The following XPO7 variants were observed in gnomAD, a reference collection of about 807,000 sequenced individuals.
XPO7 encodes the protein exportin 7, also known as exportin-7.
A neutral mutation model predicts 144.3 loss-of-function variants in XPO7; 21 were observed. The ratio of observed to expected loss-of-function variants is 0.15; its 90% CI spans 0.10 to 0.21. The LOEUF (loss-of-function observed/expected upper bound fraction) is 0.21, where lower values mean the gene tolerates loss of function less well. Among genes scored for constraint, XPO7 ranks in the 10% least tolerant of loss-of-function variants. The pLI, the probability that XPO7 is intolerant of heterozygous loss-of-function variation, is 1.00. For synonymous variants in XPO7, 580 were observed against 499.6 expected, an observed-to-expected ratio of 1.16 and a Z score of -2.15; for missense variants, 808 against 1,325.8, an observed-to-expected ratio of 0.61 and a Z score of 6.06.
At chr8:21,984,193 A>G (rs566475461) in intron 11 of XPO7, among the ~76,000 whole-genome samples, 32 of 152,252 alleles carry the variant, frequency 2.1e-4, no homozygotes, top group African/African-American at 7.5e-4. Flanking sequence ...AGGGTTTTAT[A>G]TGATATGGTA....
chr8:21,922,509 T>A (rs561065560), intron 1 of XPO7, among the ~76,000 whole-genome samples: 1 of 151,924 alleles, frequency 6.6e-6, no homozygotes, highest in South Asian at 2.1e-4. Flanking sequence ...AAATCAAACT[T>A]ACTTATGTGT....
At chr8:21,967,039 C>A (rs750217656) in intron 2 of XPO7, 36 bp downstream of exon 2, 3 of 1,590,506 alleles carry the variant, frequency 1.9e-6, no homozygotes, top group African/African-American at 2.7e-5. Context: ...GGATAACAGG[C>A]GCTTCGGAAA....
At chr8:21,954,422 T>C (rs1811469789) in intron 1 of XPO7, among the ~76,000 whole-genome samples, 1 of 152,016 alleles carries the variant, frequency 6.6e-6, no homozygotes, top group South Asian at 2.1e-4. Flanking sequence ...GATCACGAGG[T>C]CAGGAGTTCG....
intron 1 of XPO7, among the ~76,000 whole-genome samples, chr8:21,928,317 T>A (rs778093647): frequency 7.2e-5 from 11 of 152,268 alleles, no homozygotes; most frequent in Non-Finnish European, 1.5e-4. Flanking sequence ...TATATCACAT[T>A]GGATGTATCC....
chr8:22,004,148 CA>C, intron 27 of XPO7, 118 bp downstream of exon 27: 6 of 1,343,644 alleles, frequency 4.5e-6, no homozygotes, highest in Non-Finnish European at 6.1e-6. Context: ...TAAAGCAATG[CA>C]ATGCAATAGA....
chr8:21,960,957 C>G (rs1811707795), intron 1 of XPO7, among the ~76,000 whole-genome samples: 1 of 152,136 alleles, frequency 6.6e-6, no homozygotes, highest in Non-Finnish European at 1.5e-5. Context: ...CAGAAAAATA[C>G]ATGAATTATA....
chr8:21,994,701 A>T (rs1812884176), intron 20 of XPO7, among the ~76,000 whole-genome samples: 1 of 152,190 alleles, frequency 6.6e-6, no homozygotes, highest in South Asian at 2.1e-4. Context: ...CTGTGGAACC[A>T]TATACCACTG....
intron 2 of XPO7, among the ~76,000 whole-genome samples, chr8:21,968,325 TTATAA>T (rs1811949921): frequency 6.6e-6 from 1 of 152,348 alleles, no homozygotes; most frequent in Admixed American, 6.5e-5. Context: ...TTTATTAGTA[TTATAA>T]TATTGTTTAT....
At chr8:21,964,541 G>A (rs888201612) in intron 1 of XPO7, among the ~76,000 whole-genome samples, 1 of 151,982 alleles carries the variant, frequency 6.6e-6, no homozygotes. Flanking sequence ...CAAAGAAAAT[G>A]ACCCTGTTTT....
intron 1 of XPO7, among the ~76,000 whole-genome samples, chr8:21,956,848 T>A (rs899974559): frequency 6.6e-6 from 1 of 152,200 alleles, no homozygotes; most frequent in African/African-American, 2.4e-5. Flanking sequence ...ATATAGTTTT[T>A]ACTTGTTCCA....
intron 18 of XPO7, among the ~76,000 whole-genome samples, chr8:21,991,201 T>G (rs560218495): frequency 1.8e-4 from 28 of 152,344 alleles, no homozygotes; most frequent in Middle Eastern, 3.4e-3. Flanking sequence ...TTGAGATTCC[T>G]AAATGTATCT....
intron 17 of XPO7, 30 bp downstream of exon 17, chr8:21,990,437 C>T (rs1427183015): frequency 1.2e-6 from 2 of 1,610,766 alleles, no homozygotes; most frequent in Non-Finnish European, 1.7e-6. Flanking sequence ...TTTCCTGGCC[C>T]TCCTACCACC....
intron 6 of XPO7, among the ~76,000 whole-genome samples, chr8:21,975,403 TAAGA>T (rs913963460): frequency 4.7e-4 from 71 of 152,362 alleles, no homozygotes; most frequent in African/African-American, 1.6e-3. Flanking sequence ...AGAGCTGAAC[TAAGA>T]AAGAAGTGTT....
At chr8:21,960,834 A>C (rs557029650) in intron 1 of XPO7, among the ~76,000 whole-genome samples, 15 of 152,358 alleles carry the variant, frequency 9.8e-5, no homozygotes, top group East Asian at 9.6e-4. Context: ...CTGAATCTAA[A>C]GTGCAGCTGT....
At position 21,987,875 on chromosome 8, in the gene XPO7, C is replaced by G. The variant is rs753652390; in HGVS notation, c.1787+18C>G. 3.9e-5 allele frequency: 63 copies of G among 1,612,306 alleles called. No individual in the cohort carries two copies. Among genetic ancestry groups the G allele is most frequent in the Non-Finnish European group, 5.2e-5 (61 of 1,179,074 alleles). ...GGAAAAATGTAAGTGTTTCAGCTTGCCACCAGCAAGAGTCCTTTGCACTCC... is the reference window on the plus strand; with the variant it reads ...GGAAAAATGTAAGTGTTTCAGCTTGGCACCAGCAAGAGTCCTTTGCACTCC... On this transcript the variant is annotated intron_variant, in intron 15 of 27. Coordinates refer to ENST00000252512, the MANE Select transcript of XPO7 (RefSeq NM_015024.5).
intron 1 of XPO7, among the ~76,000 whole-genome samples, chr8:21,920,117 C>T (rs1810223092): frequency 6.6e-6 from 1 of 151,452 alleles, no homozygotes; most frequent in Non-Finnish European, 1.5e-5. Context: ...TCCTCGGGCC[C>T]CCCCGCCCGC....
At chr8:21,989,367 C>G (rs2117377377) in intron 16 of XPO7, among the ~76,000 whole-genome samples, 1 of 152,354 alleles carries the variant, frequency 6.6e-6, no homozygotes, top group East Asian at 1.9e-4. Context: ...TAGGTACATA[C>G]TCTGTGTGAC....
intron 1 of XPO7, among the ~76,000 whole-genome samples, chr8:21,958,489 A>G (rs1004207653): frequency 1.3e-5 from 2 of 152,190 alleles, no homozygotes; most frequent in Admixed American, 6.5e-5. Flanking sequence ...CAATTTCACC[A>G]TAAGTTACAT....
intron 6 of XPO7, among the ~76,000 whole-genome samples, chr8:21,975,419 A>T (rs1409518811): frequency 6.6e-6 from 1 of 152,252 alleles, no homozygotes; most frequent in Non-Finnish European, 1.5e-5. Flanking sequence ...AGAAGTGTTA[A>T]GCTGGGAGTT....
Sources: allele counts gnomAD v4.1 joint callset (sites outside exome capture counted in the v4.1 genomes callset), GRCh38; gene constraint gnomAD v4.1.1; transcripts MANE v1.5; gene names NCBI Gene and HGNC (gene_info 2026-07-23, HGNC 2026-07-21).